CMSS1: variants seen among roughly 807,000 people sequenced by gnomAD.
CMSS1 encodes protein CMSS1.
In CMSS1, 33 loss-of-function variants were observed where a neutral mutation model predicts 43.5. The ratio of observed to expected loss-of-function variants is 0.76; its 90% CI spans 0.57 to 1.01. The LOEUF is 1.01. CMSS1 is among the 50% of genes least tolerant of loss of function. The pLI is 0.00. For missense variants in CMSS1, 313 were observed against 326.4 expected (o/e 0.96, Z 0.32); for synonymous variants, 115 against 117.2 (o/e 0.98, Z 0.12).
At chr3:99,924,750 G>A (rs546103315) in intron 1 of CMSS1, among the ~76,000 whole-genome samples, 1 of 152,286 alleles carries the variant, frequency 6.6e-6, no homozygotes, top group East Asian at 1.9e-4. Context: ...TTGAACTCCT[G>A]ACCTCAAGTG....
chr3:99,948,762 G>GAAGGAAAGAAAAAGAGA lies in CMSS1; in HGVS notation c.64+130738_64+130754dup, dbSNP rs376257939. Among the ~76,000 whole-genome samples the GAAGGAAAGAAAAAGAGA allele has an allele frequency of 4.2e-3, 630 of 151,532 alleles. 6 individuals carry two copies. Among genetic ancestry groups the GAAGGAAAGAAAAAGAGA allele is most frequent in the African/African-American group, 0.015 (617 of 41,234 alleles). ...GAAAGGAAAAAAGAGGAAAAGGAAGGAAGGAAAGAAAAAGAGAAAGGAAAG... is the reference window on the plus strand; with the variant it reads ...GAAAGGAAAAAAGAGGAAAAGGAAGGAAGGAAAGAAAAAGAGAAAGGAAAGAAAAAGAGAAAGGAAAG... On this transcript the variant is annotated intron_variant, in intron 1 of 9. Coordinates refer to ENST00000421999, the MANE Select transcript of CMSS1 (RefSeq NM_032359.4).
intron 2 of CMSS1, among the ~76,000 whole-genome samples, chr3:100,147,358 C>G (rs1481386547): frequency 6.7e-6 from 1 of 148,742 alleles, no homozygotes; most frequent in Non-Finnish European, 1.5e-5. Flanking sequence ...GCAACCTTGA[C>G]CTTCTGGGCT....
In CMSS1 at chr3:99,842,329, A is replaced by C. The variant is rs183269155; in HGVS notation, c.64+24286A>C. On this transcript the variant is annotated intron_variant, in intron 1 of 9. Coordinates refer to ENST00000421999, the MANE Select transcript of CMSS1 (RefSeq NM_032359.4). ...ATGATACAGTGCACTCTGGGGACTC[A>C]GGGGAAAGAGTGGGAGGGGTGTAAG... is the stretch of plus-strand genomic sequence containing the variant. Among the ~76,000 whole-genome samples the C allele has an allele frequency of 6.6e-4, 100 of 152,296 alleles. 1 individual carries two copies. The East Asian group carries it at 0.013, about 20-fold the overall frequency.
intron 1 of CMSS1, among the ~76,000 whole-genome samples, chr3:100,117,846 T>TATATATAA (rs2066586551): frequency 1.1e-5 from 1 of 93,918 alleles, no homozygotes; most frequent in Admixed American, 1.1e-4. Flanking sequence ...TATATATATA[T>TATATATAA]ATATATACAT....
At position 100,090,670 on chromosome 3, in the gene CMSS1, G is replaced by A. The variant is rs565527841; in HGVS notation, c.65-56303G>A. Among the ~76,000 whole-genome samples the A allele has an allele frequency of 2.6e-5, 4 of 152,212 alleles. No individual in the cohort carries two copies. The South Asian group carries it at 6.2e-4, about 24-fold the overall frequency. On this transcript the variant is annotated intron_variant, in intron 1 of 9. Transcript: ENST00000421999. ...CATTTCCCATTGCCTTTGACCCTGA[G>A]TCACTCCTATCATGAAATAAGGCTG...
chr3:100,027,728 C>T (rs907941785), intron 1 of CMSS1, among the ~76,000 whole-genome samples: 4 of 152,150 alleles, frequency 2.6e-5, no homozygotes, highest in African/African-American at 9.7e-5. Flanking sequence ...AGGTAGCACA[C>T]ATTTGAACAG....
At chr3:99,876,347 G>A in intron 1 of CMSS1, 3 of 409,924 alleles carry the variant, frequency 7.3e-6, no homozygotes, top group Non-Finnish European at 9.9e-6. Context: ...CCGTGTGAAC[G>A]GACCGTGGTT....
In CMSS1 at chr3:100,176,263, A is replaced by C. The variant is rs930876209; in HGVS notation, c.668-64A>C. 3.5e-6 allele frequency: 4 copies of C among 1,139,394 alleles called. No individual in the cohort carries two copies. The African/African-American group carries it at 6.2e-5, about 18-fold the overall frequency. 70.6% of individuals were successfully genotyped at this position (1,139,394 alleles called of 1,614,324 possible). On this transcript the variant is annotated intron_variant, in intron 8 of 9. Coordinates refer to ENST00000421999, the MANE Select transcript of CMSS1 (RefSeq NM_032359.4). ...CAAAAAGTAACCCGGAGAATAAAAA[A>C]TCATTTTAATAAGCTTATGTCATGA... is the stretch of plus-strand genomic sequence containing the variant.
chr3:100,170,873 C>T (rs866465168), intron 6 of CMSS1, among the ~76,000 whole-genome samples: 15 of 152,298 alleles, frequency 9.8e-5, no homozygotes, highest in Middle Eastern at 3.4e-3. Flanking sequence ...AAAGTGACAA[C>T]TCAAAGGCTA....
rs1239421950 is a variant in CMSS1 at position 100,172,397 on chromosome 3, A to G, written c.661A>G (p.Lys221Glu). 1 of 1,613,200 alleles carries G rather than the reference A, an allele frequency of 6.2e-7. No homozygotes were observed. The highest frequency in any genetic ancestry group is 8.5e-7 in the Non-Finnish European group (1 of 1,179,412). Residue 221 changes from lysine (K) to glutamate (E), a missense_variant, in exon 8 of 10, where the codon AAA becomes GAA. Transcript: ENST00000421999. ...GTPGRIKELV[K>E]QGGLNLSPLK... ...TCCGGGGAGAATTAAAGAACTTGTT[A>G]AACAAGGTATGACAAGAGGGCAGTG... is the stretch of plus-strand genomic sequence containing the variant.
chr3:100,077,715 G>C (rs1559749876), intron 1 of CMSS1, among the ~76,000 whole-genome samples: 3 of 152,108 alleles, frequency 2.0e-5, no homozygotes, highest in Non-Finnish European at 1.5e-5. Flanking sequence ...TTCAAGACCA[G>C]CCTGGGCAAC....
At chr3:99,824,472 T>C (rs1037606039) in intron 1 of CMSS1, among the ~76,000 whole-genome samples, 2 of 152,250 alleles carry the variant, frequency 1.3e-5, no homozygotes, top group African/African-American at 4.8e-5. Flanking sequence ...TTGTTTGTCT[T>C]GTTTGCTTTA....
At position 100,018,211 on chromosome 3, in the gene CMSS1, A is replaced by C. The variant is rs1710401175; in HGVS notation, c.65-128762A>C. ...CGTGGTGGCATGTCCCTGTAATCCC[A>C]GCTACTCAGGAGGCTGAGACAGGAG... On this transcript the variant is annotated intron_variant, in intron 1 of 9. Coordinates refer to ENST00000421999, the MANE Select transcript of CMSS1 (RefSeq NM_032359.4). Among the ~76,000 whole-genome samples, 3 of 152,314 alleles carry C rather than the reference A, an allele frequency of 2.0e-5. No homozygotes were observed. The South Asian group carries it at 6.2e-4, about 32-fold the overall frequency.
chr3:99,872,232 T>A (rs183225964), intron 1 of CMSS1, among the ~76,000 whole-genome samples: 145 of 151,014 alleles, frequency 9.6e-4, no homozygotes, highest in Admixed American at 4.4e-3. Context: ...CATTGCCCCT[T>A]CCAGCTGTAA....
At chr3:100,141,508 G>C (rs1253052536) in intron 1 of CMSS1, 2 of 454,574 alleles carry the variant, frequency 4.4e-6, no homozygotes, top group Non-Finnish European at 8.8e-6. Flanking sequence ...AAGAACAATT[G>C]ACTGTATGAT....
Position 100,117,854 on chromosome 3 carries a change from C to CATAT in CMSS1, c.65-29097_65-29094dup, listed in dbSNP as rs58609128. Among the ~76,000 whole-genome samples the CATAT allele has an allele frequency of 8.5e-3, 771 of 90,678 alleles. 8 individuals carry two copies. The highest frequency in any genetic ancestry group is 0.012 in the Non-Finnish European group (575 of 48,866). The allele number at this position is 90,678 out of a possible 152,430, so 59.5% of individuals were successfully genotyped here. On this transcript the variant is annotated intron_variant, in intron 1 of 9. Coordinates refer to ENST00000421999, the MANE Select transcript of CMSS1 (RefSeq NM_032359.4). The stretch of plus-strand genomic sequence containing the variant: ...ATATATATATATATATATATATATA[C>CATAT]ATATATATATATATATATATATATA...
At chr3:100,166,257 C>T (rs555583553) in intron 4 of CMSS1, 78 bp from the exon 5 acceptor site, 2 of 948,272 alleles carry the variant, frequency 2.1e-6, no homozygotes, top group South Asian at 2.7e-5. Flanking sequence ...ATACATCACT[C>T]ATAACTCACA....
chr3:99,983,466 A>ATG (rs1276688981), intron 1 of CMSS1, among the ~76,000 whole-genome samples: 119 of 6,082 alleles, frequency 0.02, 1 homozygote, highest in East Asian at 0.11. Context: ...ATATGTGTGT[A>ATG]TATATATATA....
chr3:99,867,901 A>G (rs1443631145), intron 1 of CMSS1, among the ~76,000 whole-genome samples: 1 of 152,228 alleles, frequency 6.6e-6, no homozygotes, highest in Non-Finnish European at 1.5e-5. Flanking sequence ...GTAAAAGCAA[A>G]TAAGTACTTA....
Sources: gnomAD v4.1 joint callset for allele counts (sites outside exome capture counted in the v4.1 genomes callset) on GRCh38, gnomAD v4.1.1 for gene constraint, MANE v1.5 for transcripts, NCBI Gene and HGNC (gene_info 2026-07-23, HGNC 2026-07-21) for gene names.